Variants in TRIM55 observed in about 807,000 individuals in gnomAD.
The protein encoded by TRIM55 is tripartite motif-containing protein 55.
In TRIM55, 50 loss-of-function variants were observed where a neutral mutation model predicts 60.9. The observed-to-expected ratio is 0.82, with a 90% CI of 0.65 to 1.04. The LOEUF (loss-of-function observed/expected upper bound fraction) is 1.04, where lower values mean the gene tolerates loss of function less well. Among genes scored for constraint, TRIM55 ranks in the 50% least tolerant of loss-of-function variants. The pLI is 0.00. For missense variants in TRIM55, 681 were observed against 666.9 expected (o/e 1.02, Z -0.23); for synonymous variants, 237 against 238.1 (o/e 1.00, Z 0.04).
intron 4 of TRIM55, among the ~76,000 whole-genome samples, chr8:66,143,910 G>T (rs1809963535): frequency 6.6e-6 from 1 of 152,162 alleles, no homozygotes; most frequent in South Asian, 2.1e-4. Context: ...AATTACCTGA[G>T]AGAAAAGTGA....
chr8:66,138,293 T>A lies in TRIM55; in HGVS notation c.603+1103T>A, dbSNP rs1809600826. ...GTTTGTATTCTTATAAAATACGTATTGTGTTATATACATGTCTTTTAATTT... is the reference window on the plus strand; with the variant it reads ...GTTTGTATTCTTATAAAATACGTATAGTGTTATATACATGTCTTTTAATTT... On this transcript the variant is annotated intron_variant, in intron 4 of 9. Transcript: ENST00000315962. Among the ~76,000 whole-genome samples, 6 of 152,212 alleles carry A rather than the reference T, an allele frequency of 3.9e-5. No individual in the cohort carries two copies. The South Asian group carries it at 1.2e-3, about 32-fold the overall frequency.
chr8:66,114,915 A>G, the TRIM55 span: 1 of 244,816 alleles, frequency 4.1e-6, no homozygotes, highest in African/African-American at 2.2e-5. Flanking sequence ...TAAAAGTTCT[A>G]TCTAGGACAG....
chr8:66,141,850 A>G (rs1403465573), intron 4 of TRIM55, among the ~76,000 whole-genome samples: 1 of 152,248 alleles, frequency 6.6e-6, no homozygotes, highest in Non-Finnish European at 1.5e-5. Context: ...CAGTGATTTT[A>G]CCCAAAATGA....
intron 7 of TRIM55, 145 bp from the exon 8 acceptor site, chr8:66,152,232 C>T (rs1016399167): frequency 1.1e-5 from 12 of 1,124,030 alleles, no homozygotes; most frequent in African/African-American, 4.7e-5. Flanking sequence ...AGCCCTGGCA[C>T]GGCACACTTG....
Position 66,128,470 on chromosome 8 carries a change from C to A in TRIM55, c.335C>A (p.Ser112Tyr), listed in dbSNP as rs1244696863. 1.9e-6 allele frequency: 3 copies of A among 1,612,700 alleles called. No homozygotes were observed. The highest frequency in any genetic ancestry group is 4.5e-5 in the East Asian group (2 of 44,830). ...ENIIDIYKQE[S>Y]TRPEKKSDQP... ...ATCATTGACATCTACAAGCAGGAGTCCACCAGGTAACACTCTTCCACTCTT... is the reference window on the plus strand; with the variant it reads ...ATCATTGACATCTACAAGCAGGAGTACACCAGGTAACACTCTTCCACTCTT... Residue 112 changes from serine to tyrosine, a missense_variant, in exon 2 of 10, where the codon TCC becomes TAC. By Grantham distance (144) the Ser-to-Tyr change is moderately radical. Transcript: ENST00000315962.
At chr8:66,139,568 T>A (rs1809685664) in intron 4 of TRIM55, among the ~76,000 whole-genome samples, 1 of 152,192 alleles carries the variant, frequency 6.6e-6, no homozygotes, top group African/African-American at 2.4e-5. Context: ...TTAGTGCAGA[T>A]GTCAGGAAGA....
At position 66,174,669 on chromosome 8, in the gene TRIM55, A is replaced by T. The variant is rs926407878; in HGVS notation, c.*76A>T. The stretch of plus-strand genomic sequence containing the variant: ...GCAGCAGGAAGCCCAAGTGAAATTA[A>T]TATTATGCAGATGATGAAAGGGACC... On this transcript the variant is annotated 3_prime_UTR_variant, in exon 10 of 10. Coordinates refer to ENST00000315962, the MANE Select transcript of TRIM55 (RefSeq NM_184085.2). The T allele has an allele frequency of 7.0e-7, 1 of 1,433,116 alleles. No homozygotes were observed. Among genetic ancestry groups the T allele is most frequent in the African/African-American group, 1.5e-5 (1 of 67,892 alleles). 88.8% of individuals were successfully genotyped at this position (1,433,116 alleles called of 1,614,324 possible). A position where few individuals can be genotyped will look rare whatever the true frequency, so the allele number is the denominator to read the frequency against.
rs769062059 is a variant in TRIM55 at position 66,150,363 on chromosome 8, AT to A, written c.885del (p.Gln296ArgfsTer5). 1.4e-5 allele frequency: 23 copies of A among 1,614,106 alleles called. 1 individual carries two copies. In the South Asian group the frequency reaches 2.2e-4, roughly 15 times the overall value. ...GCAGAATCTCGGAAGCATCAAAGGCATTTCAGATGGAGAAAATAGAACATGG... is the reference window on the plus strand; with the variant it reads ...GCAGAATCTCGGAAGCATCAAAGGCATTCAGATGGAGAAAATAGAACATGG... ...LKKISEASKA[F>X]QMEKIEHGYE... On this transcript the variant is annotated frameshift_variant, in exon 7 of 10. Coordinates refer to ENST00000315962, the MANE Select transcript of TRIM55 (RefSeq NM_184085.2). LOFTEE classifies it high-confidence loss of function.
At chr8:66,165,290 C>T (rs1291649755) in intron 9 of TRIM55, among the ~76,000 whole-genome samples, 1 of 152,104 alleles carries the variant, frequency 6.6e-6, no homozygotes, top group Non-Finnish European at 1.5e-5. Context: ...TGAGACCAAG[C>T]TATACATTCT....
chr8:66,114,071 G>C, the TRIM55 span, among the ~76,000 whole-genome samples: 1 of 115,974 alleles, frequency 8.6e-6, no homozygotes, highest in South Asian at 3.3e-4. Flanking sequence ...ATTCCGGCTC[G>C]AAGGAGAGAC....
At chr8:66,114,133 CGCTCAATGTTCT>C in the TRIM55 span, among the ~76,000 whole-genome samples, 72 of 137,112 alleles carry the variant, frequency 5.3e-4, no homozygotes, top group Middle Eastern at 7.9e-3. Context: ...CTGTCTTCAG[CGCTCAATGTTCT>C]GACCCTTCTC....
chr8:66,119,697 G>C, the TRIM55 span, among the ~76,000 whole-genome samples: 1 of 152,202 alleles, frequency 6.6e-6, no homozygotes, highest in Non-Finnish European at 1.5e-5. Flanking sequence ...CCAAAAGACG[G>C]TGACCCAGTT....
rs760617596 is a variant in TRIM55 at position 66,174,599 on chromosome 8, A to C, written c.*6A>C. ...TGAACTCCCTAAATGAATGATATTC[A>C]TTCCAACTGCTGCCCCTCTGTCTGC... On this transcript the variant is annotated 3_prime_UTR_variant, in exon 10 of 10. Transcript: ENST00000315962. 5 of 1,589,686 alleles carry C rather than the reference A, an allele frequency of 3.1e-6. No individual in the cohort carries two copies. The highest frequency in any genetic ancestry group is 3.4e-6 in the Non-Finnish European group (4 of 1,170,470).
intron 7 of TRIM55, 54 bp from the exon 8 acceptor site, chr8:66,152,323 G>A (rs969283661): frequency 6.5e-7 from 1 of 1,529,248 alleles, no homozygotes; most frequent in African/African-American, 1.4e-5. Flanking sequence ...CATTAACTGT[G>A]TCCATGGCTG....
At chr8:66,123,982 G>C (rs1053872641), upstream of TRIM55, among the ~76,000 whole-genome samples, 2 of 152,014 alleles carry the variant, frequency 1.3e-5, no homozygotes, top group African/African-American at 4.8e-5. Context: ...CACTTTCCAA[G>C]ACCACAAAGG....
At chr8:66,141,342 T>G (rs1809806302) in intron 4 of TRIM55, among the ~76,000 whole-genome samples, 1 of 152,078 alleles carries the variant, frequency 6.6e-6, no homozygotes, top group African/African-American at 2.4e-5. Context: ...TTCTTGAGAG[T>G]GGCTTGGCCT....
chr8:66,120,728 T>G, the TRIM55 span, among the ~76,000 whole-genome samples: 1 of 152,238 alleles, frequency 6.6e-6, no homozygotes, highest in Admixed American at 6.5e-5. Context: ...TGGGACACCC[T>G]GCAACCTTGC....
intron 9 of TRIM55, among the ~76,000 whole-genome samples, chr8:66,159,376 C>A (rs1365496908): frequency 6.6e-6 from 1 of 152,106 alleles, no homozygotes; most frequent in Non-Finnish European, 1.5e-5. Context: ...TATCTCAGTT[C>A]TTTTTATTCC....
At chr8:66,150,673 CTT>C (rs201862185) in intron 7 of TRIM55, among the ~76,000 whole-genome samples, 12 of 141,874 alleles carry the variant, frequency 8.5e-5, no homozygotes, top group East Asian at 2.0e-4. Flanking sequence ...CATATGGTGC[CTT>C]TTTTTTTTTT....
Sources: gnomAD v4.1 joint callset for allele counts (sites outside exome capture counted in the v4.1 genomes callset) on GRCh38, gnomAD v4.1.1 for gene constraint, MANE v1.5 for transcripts, NCBI Gene and HGNC (gene_info 2026-07-23, HGNC 2026-07-21) for gene names.